ATL1: variants seen among roughly 807,000 people sequenced by gnomAD.
ATL1 encodes the protein atlastin GTPase 1, also known as atlastin-1.
In ATL1, 31 loss-of-function variants were observed where a neutral mutation model predicts 75.5. The observed-to-expected ratio is 0.41, with a 90% CI of 0.31 to 0.55. The LOEUF (loss-of-function observed/expected upper bound fraction) is 0.55. Among genes scored for constraint, ATL1 ranks in the 20% least tolerant of loss-of-function variants. The pLI, the probability that ATL1 is intolerant of heterozygous loss-of-function variation, is 0.27. For missense variants in ATL1, 405 were observed against 662.6 expected (o/e 0.61, Z 4.27); for synonymous variants, 226 against 233.3 (o/e 0.97, Z 0.28).
intron 12 of ATL1, among the ~76,000 whole-genome samples, chr14:50,629,341 C>T (rs1296422855): frequency 2.0e-5 from 3 of 151,940 alleles, no homozygotes; most frequent in East Asian, 3.9e-4. Context: ...CAGCACTTTC[C>T]GAGGCCAAAG....
intron 1 of ATL1, among the ~76,000 whole-genome samples, chr14:50,538,189 G>A (rs1484163066): frequency 2.6e-5 from 4 of 152,154 alleles, no homozygotes; most frequent in African/African-American, 9.7e-5. Flanking sequence ...GTTTTAAAAA[G>A]GGGTGTTCCC....
rs72247480 is a variant in ATL1 at position 50,595,885 on chromosome 14, CT to C, written c.630+264del. 0.3 allele frequency among the ~76,000 whole-genome samples: 43,734 copies of C among 147,524 alleles called. 8,773 individuals are homozygous for C. Among genetic ancestry groups the C allele is most frequent in the African/African-American group, 0.58 (23,760 of 40,772 alleles). ...ATTCTGGTTCCAGGCAAAATGTCAG[CT>C]TTTTTTTTTTCCTGAACTCAAAGTG... On this transcript the variant is annotated intron_variant, in intron 6 of 13. Transcript: ENST00000358385.
chr14:50,588,907 A>G (rs1295829150), intron 2 of ATL1, among the ~76,000 whole-genome samples: 2 of 152,130 alleles, frequency 1.3e-5, no homozygotes, highest in African/African-American at 2.4e-5. Flanking sequence ...ATCCCAAGAC[A>G]TTTTTCCAGG....
intron 8 of ATL1, among the ~76,000 whole-genome samples, chr14:50,619,328 G>A (rs2039444855): frequency 6.6e-6 from 1 of 152,100 alleles, no homozygotes; most frequent in Non-Finnish European, 1.5e-5. Context: ...CAAAGTGCTG[G>A]GATTACAGGC....
chr14:50,594,656 A>G (rs1218199768), intron 5 of ATL1, among the ~76,000 whole-genome samples: 2 of 152,170 alleles, frequency 1.3e-5, no homozygotes, highest in African/African-American at 4.8e-5. Flanking sequence ...CAGGTTTATT[A>G]TGCTCTGGGC....
rs1182804798 is a variant in ATL1, at chr14:50,591,647, A to T, written c.522+8A>T. On this transcript the variant is annotated splice_region_variant and intron_variant, in intron 4 of 13. Coordinates refer to ENST00000358385, the MANE Select transcript of ATL1 (RefSeq NM_015915.5). The stretch of plus-strand genomic sequence containing the variant: ...ATGATCAGCTCAATACAGGTATGAA[A>T]TAAGCCCATTTTGATGATGTTTCTT... The T allele has an allele frequency of 6.3e-6, 10 of 1,587,916 alleles. No homozygotes were observed. Among genetic ancestry groups the T allele is most frequent in the Non-Finnish European group, 8.6e-6 (10 of 1,156,284 alleles).
At chr14:50,623,155 A>G in intron 10 of ATL1, 22 bp from the exon 11 acceptor site, 1 of 1,609,394 alleles carries the variant, frequency 6.2e-7, no homozygotes, top group South Asian at 1.1e-5. Flanking sequence ...ATTTTACATC[A>G]TATTTTGTAC....
chr14:50,620,131 G>T (rs1282152623), intron 8 of ATL1, among the ~76,000 whole-genome samples: 1 of 152,126 alleles, frequency 6.6e-6, no homozygotes, highest in African/African-American at 2.4e-5. Flanking sequence ...AGTGGTGTGT[G>T]CCTGTAGTCC....
At chr14:50,592,755 C>T (rs1396227675) in intron 4 of ATL1, among the ~76,000 whole-genome samples, 2 of 150,512 alleles carry the variant, frequency 1.3e-5, no homozygotes, top group Non-Finnish European at 3.0e-5. Context: ...ACTAAAAATA[C>T]AAAAAATTAG....
intron 12 of ATL1, among the ~76,000 whole-genome samples, chr14:50,629,038 A>G (rs1220614017): frequency 6.6e-6 from 1 of 152,200 alleles, no homozygotes; most frequent in Non-Finnish European, 1.5e-5. Flanking sequence ...TAAAAATGTT[A>G]TATCTATTAA....
rs370933159 is a variant in ATL1, at chr14:50,555,083, G to T, written c.-139-5044G>T. ...TCAATGGTATTTGAGTGGAGATGAT[G>T]TGTGCACTTTCTGGGTTGTACCCTT... On this transcript the variant is annotated intron_variant, in intron 1 of 13. Transcript: ENST00000441560. 5.3e-5 allele frequency among the ~76,000 whole-genome samples: 8 copies of T among 152,282 alleles called. No individual in the cohort carries two copies. The East Asian group carries it at 7.7e-4, about 15-fold the overall frequency.
intron 8 of ATL1, among the ~76,000 whole-genome samples, chr14:50,620,180 C>T (rs1435813553): frequency 6.6e-6 from 1 of 152,172 alleles, no homozygotes; most frequent in African/African-American, 2.4e-5. Context: ...ATTGCTTGAA[C>T]CCAGGAGGCA....
chr14:50,601,508 CT>C (rs2039271429), intron 6 of ATL1, among the ~76,000 whole-genome samples: 1 of 152,136 alleles, frequency 6.6e-6, no homozygotes, highest in African/African-American at 2.4e-5. Context: ...GGTGTAAATA[CT>C]TTTACCATGG....
intron 1 of ATL1, among the ~76,000 whole-genome samples, chr14:50,562,811 G>T (rs2038863963): frequency 6.6e-6 from 1 of 152,224 alleles, no homozygotes; most frequent in Non-Finnish European, 1.5e-5. Flanking sequence ...AAATGACTTA[G>T]AAAATGTAGT....
intron 1 of ATL1, among the ~76,000 whole-genome samples, chr14:50,542,188 G>GAGTTACCC: frequency 6.6e-6 from 1 of 150,610 alleles, no homozygotes; most frequent in Admixed American, 6.7e-5. Flanking sequence ...TAGAAATTGG[G>GAGTTACCC]AGTTACCCTG....
chr14:50,618,467 C>T (rs1259211177), intron 8 of ATL1, among the ~76,000 whole-genome samples: 4 of 152,122 alleles, frequency 2.6e-5, no homozygotes, highest in Non-Finnish European at 4.4e-5. Flanking sequence ...TGAATAAACT[C>T]CACTGCAAGT....
At chr14:50,540,192 G>T (rs536940747) in intron 1 of ATL1, among the ~76,000 whole-genome samples, 8 of 152,330 alleles carry the variant, frequency 5.3e-5, no homozygotes, top group African/African-American at 1.9e-4. Context: ...CCTTCAGGAA[G>T]AAGTGAAATC....
intron 5 of ATL1, among the ~76,000 whole-genome samples, chr14:50,594,732 C>T (rs1010669694): frequency 5.9e-5 from 9 of 152,166 alleles, no homozygotes; most frequent in Non-Finnish European, 1.3e-4. Flanking sequence ...CAGTGGCTTA[C>T]GCCTGTAATC....
Position 50,562,582 on chromosome 14 carries a change from A to G in ATL1, c.34+2283A>G, listed in dbSNP as rs764068089. On this transcript the variant is annotated intron_variant, in intron 1 of 13. Transcript: ENST00000358385. ...ACTTTGAGAAATACTACCTTAGATT[A>G]TTTACATTTGATAGAAACATCTCAG... 8.5e-5 allele frequency among the ~76,000 whole-genome samples: 13 copies of G among 152,290 alleles called. No individual in the cohort carries two copies. The Middle Eastern group carries it at 0.01, about 120-fold the overall frequency.
Sources: allele counts gnomAD v4.1 joint callset (sites outside exome capture counted in the v4.1 genomes callset), GRCh38; gene constraint gnomAD v4.1.1; transcripts MANE v1.5; gene names NCBI Gene and HGNC (gene_info 2026-07-23, HGNC 2026-07-21).